KIAA0825: variants seen among roughly 807,000 people sequenced by gnomAD.
The protein encoded by KIAA0825 is uncharacterized protein KIAA0825.
A neutral mutation model predicts 147.6 loss-of-function variants in KIAA0825; 119 were observed. The observed-to-expected ratio is 0.81, with a 90% CI of 0.69 to 0.94. The LOEUF is 0.94. Among genes scored for constraint, KIAA0825 ranks in the 40% least tolerant of loss-of-function variants. KIAA0825 has a pLI of 0.00. For synonymous variants in KIAA0825, 470 were observed against 518.1 expected (o/e 0.91, Z 1.26); for missense variants, 1,381 against 1,472.7 (o/e 0.94, Z 1.02).
chr5:94,323,542 C>T (rs1458290671), intron 20 of KIAA0825, among the ~76,000 whole-genome samples: 1 of 145,896 alleles, frequency 6.9e-6, no homozygotes, highest in African/African-American at 2.5e-5. Flanking sequence ...ATGCTTTTCC[C>T]AAAAGCTCCA....
chr5:94,560,424 G>A (rs1777341995), intron 2 of KIAA0825, among the ~76,000 whole-genome samples: 1 of 152,008 alleles, frequency 6.6e-6, no homozygotes, highest in Admixed American at 6.6e-5. Context: ...TTACCTAATT[G>A]CCCTGTTTCT....
intron 4 of KIAA0825, among the ~76,000 whole-genome samples, chr5:94,523,626 T>C (rs1157061761): frequency 2.0e-5 from 3 of 151,618 alleles, no homozygotes; most frequent in Non-Finnish European, 4.4e-5. Context: ...GGTAGACAGC[T>C]GTGATACACA....
intron 7 of KIAA0825, among the ~76,000 whole-genome samples, chr5:94,476,336 G>A (rs1332014123): frequency 1.3e-5 from 2 of 152,146 alleles, no homozygotes; most frequent in Non-Finnish European, 1.5e-5. Flanking sequence ...TAATGGAGCA[G>A]GAGGCCGCAA....
At chr5:94,191,315 TA>T (rs1423528373) in intron 20 of KIAA0825, among the ~76,000 whole-genome samples, 1 of 152,196 alleles carries the variant, frequency 6.6e-6, no homozygotes, top group African/African-American at 2.4e-5. Flanking sequence ...CATGAATGTT[TA>T]ATTTCATTCT....
intron 18 of KIAA0825, among the ~76,000 whole-genome samples, chr5:94,387,754 G>A (rs892713887): frequency 1.9e-4 from 29 of 151,830 alleles, no homozygotes; most frequent in African/African-American, 5.6e-4. Flanking sequence ...AACTCTAGCC[G>A]AATGCCACCC....
In KIAA0825 at chr5:94,244,602, G is replaced by A. The variant is rs1775511473; in HGVS notation, c.3711-90478C>T. ...TCCTCCCATCTCAGCCTCCCACATA[G>A]CTTGGATTACATGAATCTTGGTTTT... On this transcript the variant is annotated intron_variant, in intron 20 of 20. Transcript: ENST00000682413. Among the ~76,000 whole-genome samples, 3 of 152,092 alleles carry A rather than the reference G, an allele frequency of 2.0e-5. 1 individual carries two copies. The South Asian group carries it at 6.2e-4, about 31-fold the overall frequency.
Position 94,172,689 on chromosome 5 carries a change from AT to A in KIAA0825, c.3711-18566del, listed in dbSNP as rs553594009. Among the ~76,000 whole-genome samples, 1,239 of 149,388 alleles carry A rather than the reference AT, an allele frequency of 8.3e-3. 9 individuals are homozygous for A. The highest frequency in any genetic ancestry group is 0.013 in the Non-Finnish European group (886 of 67,114). On this transcript the variant is annotated intron_variant, in intron 20 of 20. Transcript: ENST00000682413. ...TTTCTAGAATTTTGTTTGACTCATG[AT>A]TTTTTTTTTGGCTTTGAACTAACAT...
chr5:94,347,922 A>AAGAAAATTGATAGCTTAAAG (rs796637310), intron 20 of KIAA0825, among the ~76,000 whole-genome samples: 8 of 152,350 alleles, frequency 5.3e-5, no homozygotes, highest in African/African-American at 1.9e-4. Flanking sequence ...AGAAATATTC[A>AAGAAAATTGATAGCTTAAAG]AGAAAATTGA....
At chr5:94,188,379 T>C (rs1770354037) in intron 20 of KIAA0825, among the ~76,000 whole-genome samples, 1 of 152,358 alleles carries the variant, frequency 6.6e-6, no homozygotes, top group East Asian at 1.9e-4. Context: ...GAAAGTTCTT[T>C]CTTATGCCAT....
rs114949415 is a variant in KIAA0825, at chr5:94,551,515, G to A, written c.-1-14388C>T. 9.3e-3 allele frequency among the ~76,000 whole-genome samples: 1,413 copies of A among 152,122 alleles called. 32 individuals are homozygous for A. Among genetic ancestry groups the A allele is most frequent in the African/African-American group, 0.033 (1,354 of 41,480 alleles). ...TGCAATCCCCAATGGACTAAGAGCAGATTTCTCAGCAGAAATCTTACAAGC... is the reference window on the plus strand; with the variant it reads ...TGCAATCCCCAATGGACTAAGAGCAAATTTCTCAGCAGAAATCTTACAAGC... On this transcript the variant is annotated intron_variant, in intron 2 of 20. Coordinates refer to ENST00000682413, the MANE Select transcript of KIAA0825 (RefSeq NM_001145678.3).
chr5:94,271,867 A>G (rs1777006027), intron 20 of KIAA0825, among the ~76,000 whole-genome samples: 1 of 152,198 alleles, frequency 6.6e-6, no homozygotes. Flanking sequence ...CTGCACTCCC[A>G]TGTTTATTGC....
chr5:94,516,769 G>A (rs1767323112), intron 5 of KIAA0825, among the ~76,000 whole-genome samples: 1 of 140,170 alleles, frequency 7.1e-6, no homozygotes, highest in Non-Finnish European at 1.5e-5. Context: ...CCGCCTGGGC[G>A]ACAGAACGAG....
chr5:94,389,217 C>T (rs1437581389), intron 18 of KIAA0825, among the ~76,000 whole-genome samples: 4 of 152,118 alleles, frequency 2.6e-5, no homozygotes, highest in East Asian at 3.9e-4. Context: ...AAATGAAGGT[C>T]GTCAGGTGGA....
chr5:94,225,867 G>A (rs1381919447), intron 20 of KIAA0825, among the ~76,000 whole-genome samples: 1 of 152,128 alleles, frequency 6.6e-6, no homozygotes, highest in Non-Finnish European at 1.5e-5. Context: ...CTTAACTCAA[G>A]ATGGATTAAA....
chr5:94,220,735 C>T (rs968112880), intron 20 of KIAA0825, among the ~76,000 whole-genome samples: 3 of 152,076 alleles, frequency 2.0e-5, no homozygotes, highest in African/African-American at 7.2e-5. Flanking sequence ...CTAAACAAAT[C>T]CTGTGAATCC....
intron 2 of KIAA0825, among the ~76,000 whole-genome samples, chr5:94,537,568 G>T (rs999726624): frequency 1.4e-5 from 2 of 139,320 alleles, no homozygotes; most frequent in African/African-American, 3.1e-5. Flanking sequence ...GAAGAATGGT[G>T]TGAACCCAGA....
At chr5:94,571,603 A>C (rs924340751) in intron 2 of KIAA0825, among the ~76,000 whole-genome samples, 1 of 152,356 alleles carries the variant, frequency 6.6e-6, no homozygotes, top group Admixed American at 6.5e-5. Context: ...TTAAAAGGTA[A>C]TATTTTTAGA....
intron 20 of KIAA0825, among the ~76,000 whole-genome samples, chr5:94,179,392 G>T (rs1206218354): frequency 6.6e-6 from 1 of 152,108 alleles, no homozygotes; most frequent in Non-Finnish European, 1.5e-5. Context: ...TGGGGGAAAA[G>T]GGAGCTGACT....
At chr5:94,274,302 T>C (rs988903933) in intron 20 of KIAA0825, among the ~76,000 whole-genome samples, 8 of 152,130 alleles carry the variant, frequency 5.3e-5, no homozygotes, top group African/African-American at 1.7e-4. Context: ...GGTGACCTTT[T>C]AGTCATACGA....
Sources: allele counts gnomAD v4.1 joint callset (sites outside exome capture counted in the v4.1 genomes callset), GRCh38; gene constraint gnomAD v4.1.1; transcripts MANE v1.5; gene names NCBI Gene and HGNC (gene_info 2026-07-23, HGNC 2026-07-21).